Variants in SYCP2 observed in about 807,000 individuals in gnomAD.
SYCP2 encodes the protein synaptonemal complex lateral element protein.
In SYCP2, 55 loss-of-function variants were observed where a neutral mutation model predicts 211.3. That is an observed-to-expected ratio of 0.26 (90% CI 0.21 to 0.33). The LOEUF is 0.33. Ranked by LOEUF, SYCP2 falls within the 10% of genes least tolerant of loss-of-function variation. The pLI is 1.00. For synonymous variants in SYCP2, 570 were observed against 555.2 expected (o/e 1.03, Z -0.37); for missense variants, 1,731 against 1,752.0 (o/e 0.99, Z 0.21).
chr20:59,875,610 G>A (rs1434631975), intron 33 of SYCP2, 141 bp from the exon 34 acceptor site: 1 of 569,356 alleles, frequency 1.8e-6, no homozygotes. Context: ...CATGAGTAGT[G>A]AAAGACTTTC....
At chr20:59,871,631 GT>G (rs1444853707) in intron 35 of SYCP2, among the ~76,000 whole-genome samples, 1 of 151,872 alleles carries the variant, frequency 6.6e-6, no homozygotes, top group Non-Finnish European at 1.5e-5. Flanking sequence ...AAAGGGATTG[GT>G]TCTAGGACCT....
At chr20:59,876,758 ATATT>A (rs1471129682) in intron 33 of SYCP2, among the ~76,000 whole-genome samples, 1 of 152,114 alleles carries the variant, frequency 6.6e-6, no homozygotes, top group African/African-American at 2.4e-5. Flanking sequence ...AGCACTACAT[ATATT>A]TATATACTAT....
rs6071026 is a variant in SYCP2, at chr20:59,911,741, T to G, written c.972+9A>C. The G allele has an allele frequency of 0.03, 44,071 of 1,445,778 alleles. 913 individuals are homozygous for G. Among genetic ancestry groups the G allele is most frequent in the African/African-American group, 0.098 (6,891 of 70,592 alleles). 89.6% of individuals were successfully genotyped at this position (1,445,778 alleles called of 1,614,324 possible). The stretch of plus-strand genomic sequence containing the variant: ...ACATAAAGAATAATACCAACCAAAT[T>G]AAACTTACATCATTATCTCCAGCAA... On this transcript the variant is annotated intron_variant, in intron 14 of 44. Transcript: ENST00000357552.
chr20:59,921,792 C>T (rs991471684), intron 3 of SYCP2, among the ~76,000 whole-genome samples: 3 of 151,194 alleles, frequency 2.0e-5, no homozygotes, highest in African/African-American at 7.3e-5. Flanking sequence ...AGAATAAAAG[C>T]CTAGCATACC....
rs754349481 is a variant in SYCP2 at position 59,873,879 on chromosome 20, G to A, written c.3532C>T (p.Pro1178Ser). 6.2e-7 allele frequency: 1 copy of A among 1,611,688 alleles called. No homozygotes were observed. Among genetic ancestry groups the A allele is most frequent in the East Asian group, 2.2e-5 (1 of 44,784 alleles). ...ACCAAAAACAGTGGTCGTGGAATTG[G>A]TGAACAACTTTCACTTGCACACAGG... Reference protein sequence around the residue: ...NFLCASESCSPIPRPLFLPRH... With the variant: ...NFLCASESCSSIPRPLFLPRH... Residue 1178 changes from proline to serine, a missense_variant, in exon 35 of 45, where the codon CCA becomes TCA. Pro to Ser is a moderately conservative substitution (Grantham distance 74). Coordinates refer to ENST00000357552, the MANE Select transcript of SYCP2 (RefSeq NM_014258.4).
intron 22 of SYCP2, 64 bp from the exon 23 acceptor site, chr20:59,892,765 T>A: frequency 6.8e-7 from 1 of 1,478,502 alleles, no homozygotes; most frequent in Non-Finnish European, 9.1e-7. Context: ...AGACCTTGAT[T>A]TTTAATGTAG....
At position 59,881,997 on chromosome 20, in the gene SYCP2, T is replaced by C; in HGVS notation, c.2606A>G (p.Asp869Gly). The C allele has an allele frequency of 2.5e-6, 4 of 1,613,000 alleles. No individual in the cohort carries two copies. Among genetic ancestry groups the C allele is most frequent in the Non-Finnish European group, 3.4e-6 (4 of 1,179,372 alleles). ...TCCATTCAAATTAAAATTGTAAACA[T>C]CATTCCTGTGAAAATGAAGAGCAAT... is the stretch of plus-strand genomic sequence containing the variant. Reference protein sequence around the residue: ...VNVTSECPVNDVYNFNLNGAD... With the variant: ...VNVTSECPVNGVYNFNLNGAD... Residue 869 changes from aspartate (D) to glycine (G), a missense_variant, in exon 28 of 45, where the codon GAT becomes GGT. By Grantham distance (94) the Asp-to-Gly change is moderately conservative. This residue lies in a region of SYCP2 where 1,387 missense variants were observed against 1,351.3 expected (regional missense o/e 1.03). Transcript: ENST00000357552.
intron 2 of SYCP2, among the ~76,000 whole-genome samples, chr20:59,930,583 T>A (rs1027995606): frequency 6.6e-6 from 1 of 152,304 alleles, no homozygotes. Context: ...TAGCACATGG[T>A]GGCTGAGGAA....
chr20:59,884,193 T>C (rs147053651), intron 26 of SYCP2, among the ~76,000 whole-genome samples: 81 of 152,206 alleles, frequency 5.3e-4, no homozygotes, highest in African/African-American at 1.9e-3. Context: ...GCTTTTCCTT[T>C]GTTTTGGACT....
chr20:59,897,466 T>G (rs1036950609), intron 18 of SYCP2, among the ~76,000 whole-genome samples: 3 of 152,140 alleles, frequency 2.0e-5, no homozygotes, highest in South Asian at 2.1e-4. Context: ...GCACAGGTAT[T>G]TAACAGTAGT....
At chr20:59,900,585 TAAC>T (rs1352015802) in intron 17 of SYCP2, among the ~76,000 whole-genome samples, 156 bp downstream of exon 17, 1 of 152,148 alleles carries the variant, frequency 6.6e-6, no homozygotes, top group African/African-American at 2.4e-5. Flanking sequence ...TTATCATTAA[TAAC>T]ATGTTTAAAC....
At chr20:59,911,690 TA>T (rs1331777752) in intron 14 of SYCP2, 59 bp downstream of exon 14, 3 of 684,462 alleles carry the variant, frequency 4.4e-6, no homozygotes, top group Non-Finnish European at 6.9e-6. Flanking sequence ...ATTCTTAAAG[TA>T]AGTAAAAATC....
At chr20:59,913,306 A>G (rs1408468668) in intron 12 of SYCP2, among the ~76,000 whole-genome samples, 1 of 152,160 alleles carries the variant, frequency 6.6e-6, no homozygotes, top group African/African-American at 2.4e-5. Flanking sequence ...GAACAGGAAG[A>G]GAGGAACTTA....
intron 18 of SYCP2, among the ~76,000 whole-genome samples, chr20:59,896,837 C>A (rs1402297728): frequency 6.6e-6 from 1 of 152,090 alleles, no homozygotes; most frequent in African/African-American, 2.4e-5. Context: ...TTGAGTTTAT[C>A]TAGTTAACCA....
In SYCP2 at chr20:59,875,408, A is replaced by G. The variant is rs1238982290; in HGVS notation, c.3212T>C (p.Phe1071Ser). 2.5e-6 allele frequency: 4 copies of G among 1,613,054 alleles called. No homozygotes were observed. The highest frequency in any genetic ancestry group is 3.4e-6 in the Non-Finnish European group (4 of 1,179,470). Residue 1071 changes from phenylalanine (F) to serine (S), a missense_variant, in exon 34 of 45, where the codon TTC (phenylalanine) becomes TCC (serine). Coordinates refer to ENST00000357552, the MANE Select transcript of SYCP2 (RefSeq NM_014258.4). The stretch of plus-strand genomic sequence containing the variant: ...TAGTTCCTTTTCTGTTTCAGCACAG[A>G]AGACTTTCTGTTGTTTCTTTGGTAG... The part of the protein sequence containing the change: ...VKLPKKQQKV[F>S]CAETEKELSK...
intron 15 of SYCP2, among the ~76,000 whole-genome samples, chr20:59,905,662 T>C (rs1424657021): frequency 6.6e-6 from 1 of 152,206 alleles, no homozygotes; most frequent in African/African-American, 2.4e-5. Context: ...GTTTATTAAC[T>C]TAATTGCCAT....
chr20:59,865,726 A>G (rs1275839594), intron 42 of SYCP2, 75 bp from the exon 43 acceptor site: 2 of 1,067,504 alleles, frequency 1.9e-6, no homozygotes, highest in East Asian at 3.0e-5. Context: ...TAGTATATAT[A>G]ATTTTAATTT....
intron 15 of SYCP2, among the ~76,000 whole-genome samples, chr20:59,905,332 A>G (rs2060193894): frequency 2.0e-5 from 3 of 152,220 alleles, no homozygotes; most frequent in African/African-American, 7.2e-5. Flanking sequence ...GCAGCATTTC[A>G]TAATAGCTAA....
At chr20:59,878,973 TAAAC>T (rs1282948510) in intron 31 of SYCP2, among the ~76,000 whole-genome samples, 6 of 152,134 alleles carry the variant, frequency 3.9e-5, no homozygotes, top group Non-Finnish European at 8.8e-5. Flanking sequence ...TTCAATAATT[TAAAC>T]AAAAGAATTC....
Sources: gnomAD v4.1 joint callset for allele counts (sites outside exome capture counted in the v4.1 genomes callset) on GRCh38, gnomAD v4.1.1 for gene constraint, gnomAD v4.1.1 regional missense constraint, MANE v1.5 for transcripts, NCBI Gene and HGNC (gene_info 2026-07-23, HGNC 2026-07-21) for gene names.